The following KCNJ16 variants were observed in gnomAD, a reference collection of about 807,000 sequenced individuals.
KCNJ16 encodes potassium inwardly rectifying channel subfamily J member 16.
KCNJ16 carries 15 observed loss-of-function variants against 18.5 expected under a neutral mutation model. The ratio of observed to expected loss-of-function variants is 0.81; its 90% confidence interval spans 0.54 to 1.25. The LOEUF is 1.25. Among genes scored for constraint, KCNJ16 ranks in the 50% most tolerant of loss-of-function variants. KCNJ16 has a pLI of 0.00. For synonymous variants in KCNJ16, 174 were observed against 186.5 expected, an observed-to-expected ratio of 0.93 and a Z score of 0.55; for missense variants, 523 against 525.7, an observed-to-expected ratio of 0.99 and a Z score of 0.05.
chr17:70,127,890 A>C (rs1156649387), intron 2 of KCNJ16, among the ~76,000 whole-genome samples: 1 of 152,230 alleles, frequency 6.6e-6, no homozygotes, highest in Non-Finnish European at 1.5e-5. Flanking sequence ...TTTTCTGAAG[A>C]AATTTTAGAC....
At chr17:70,100,923 C>T (rs546242250) in intron 2 of KCNJ16, 157 bp downstream of exon 2, 9 of 152,318 alleles carry the variant, frequency 5.9e-5, no homozygotes, top group Non-Finnish European at 1.0e-4. Context: ...AGAGCAAATT[C>T]GGTGTTACAA....
Position 70,132,155 on chromosome 17 carries a change from A to G in KCNJ16, c.68A>G (p.Glu23Gly), listed in dbSNP as rs780904373. The part of the protein sequence containing the change: ...ADAKYPGYPP[E>G]HIIAEKRRAR... ...GCAAAATACCCAGGCTACCCGCCAG[A>G]GCACATTATAGCTGAGAAGAGAAGA... The change falls in exon 4 of 4, where the codon GAG becomes GGG. Residue 23 changes from glutamate (E) to glycine (G), a missense_variant. Glu to Gly is a moderately conservative substitution (Grantham distance 98, BLOSUM62 -2). Transcript: ENST00000392671. The G allele has an allele frequency of 5.0e-6, 8 of 1,614,222 alleles. No individual in the cohort carries two copies. Among genetic ancestry groups the G allele is most frequent in the Non-Finnish European group, 6.8e-6 (8 of 1,180,034 alleles).
intron 1 of KCNJ16, among the ~76,000 whole-genome samples, chr17:70,088,761 T>C (rs1045679451): frequency 3.9e-5 from 6 of 151,972 alleles, no homozygotes; most frequent in African/African-American, 1.4e-4. Context: ...CTAGGAAACT[T>C]AGGAAAAAAA....
At chr17:70,110,503 A>C (rs572809544) in intron 2 of KCNJ16, among the ~76,000 whole-genome samples, 3 of 128,562 alleles carry the variant, frequency 2.3e-5, no homozygotes, top group East Asian at 2.0e-4. Context: ...CACACACACA[A>C]ACTCATTTCC....
rs10661960 is a variant in KCNJ16, at chr17:70,088,021, CA to C, written c.-299-12617del. On this transcript the variant is annotated intron_variant, in intron 1 of 3. Coordinates refer to ENST00000392671, the MANE Select transcript of KCNJ16 (RefSeq NM_170741.4). ...TGGGCGACAGAGCAAGACTCTGTCTCAAAAAAAAAAAAAAAAAAAAGTAAAA... is the reference window on the plus strand; with the variant it reads ...TGGGCGACAGAGCAAGACTCTGTCTCAAAAAAAAAAAAAAAAAAAGTAAAA... Among the ~76,000 whole-genome samples the C allele has an allele frequency of 3.5e-3, 281 of 79,424 alleles. 3 individuals are homozygous for C. Among genetic ancestry groups the C allele is most frequent in the African/African-American group, 0.014 (263 of 18,486 alleles). 52.1% of individuals were successfully genotyped at this position (79,424 alleles called of 152,430 possible).
chr17:70,103,207 T>C (rs2072728065), intron 2 of KCNJ16, among the ~76,000 whole-genome samples: 1 of 144,508 alleles, frequency 6.9e-6, no homozygotes, highest in East Asian at 2.0e-4. Flanking sequence ...TGTATATATA[T>C]TTTTGTGTAT....
At position 70,132,933 on chromosome 17, in the gene KCNJ16, T is replaced by A. The variant is rs775688433; in HGVS notation, c.846T>A (p.Phe282Leu). ...AKDNFEILVT[F>L]IYTGDSTGTS... is the part of the protein sequence containing the mutation. The stretch of plus-strand genomic sequence containing the variant: ...ATAACTTTGAGATTTTGGTGACATT[T>A]ATCTATACTGGTGATTCCACTGGAA... Residue 282 changes from phenylalanine to leucine, a missense_variant, in exon 4 of 4, where the codon TTT (phenylalanine) becomes TTA (leucine). Phe to Leu is a conservative substitution (Grantham distance 22). Transcript: ENST00000392671. 1.2e-6 allele frequency: 2 copies of A among 1,614,218 alleles called. No homozygotes were observed. Among genetic ancestry groups the A allele is most frequent in the Non-Finnish European group, 1.7e-6 (2 of 1,180,032 alleles).
At chr17:70,106,472 T>A (rs1157495481) in intron 2 of KCNJ16, among the ~76,000 whole-genome samples, 3 of 152,110 alleles carry the variant, frequency 2.0e-5, no homozygotes, top group East Asian at 1.9e-4. Context: ...GGAGAGAAAC[T>A]GATAGAGAGA....
intron 1 of KCNJ16, among the ~76,000 whole-genome samples, chr17:70,095,688 G>C (rs1290316611): frequency 2.6e-5 from 4 of 151,748 alleles, no homozygotes; most frequent in Non-Finnish European, 2.9e-5. Flanking sequence ...TCTTTATTAG[G>C]ATCTCTATAC....
intron 1 of KCNJ16, among the ~76,000 whole-genome samples, chr17:70,098,238 T>TG (rs1469549855): frequency 6.6e-6 from 1 of 152,130 alleles, no homozygotes; most frequent in African/African-American, 2.4e-5. Flanking sequence ...ATTGCACCCT[T>TG]GGGGAAATGT....
chr17:70,098,851 T>C (rs1362586804), intron 1 of KCNJ16, among the ~76,000 whole-genome samples: 1 of 152,156 alleles, frequency 6.6e-6, no homozygotes, highest in African/African-American at 2.4e-5. Flanking sequence ...CCTCAATAAT[T>C]ATGAATTAAA....
chr17:70,095,787 GT>G (rs1158244005), intron 1 of KCNJ16, among the ~76,000 whole-genome samples: 1 of 147,572 alleles, frequency 6.8e-6, no homozygotes, highest in Non-Finnish European at 1.5e-5. Flanking sequence ...CAAAAAAAAT[GT>G]TGAAACTGAT....
chr17:70,096,051 T>G (rs1184967137), intron 1 of KCNJ16, among the ~76,000 whole-genome samples: 4 of 151,618 alleles, frequency 2.6e-5, no homozygotes, highest in Admixed American at 6.6e-5. Context: ...TCTGGCTAAT[T>G]TTTTGTATTT....
At chr17:70,119,842 A>G (rs1650406143) in intron 2 of KCNJ16, among the ~76,000 whole-genome samples, 1 of 151,324 alleles carries the variant, frequency 6.6e-6, no homozygotes, top group South Asian at 2.1e-4. Context: ...GCTCCCTTTT[A>G]GTTATGCACA....
intron 2 of KCNJ16, among the ~76,000 whole-genome samples, chr17:70,109,569 G>A (rs2073094358): frequency 1.3e-5 from 2 of 151,764 alleles, no homozygotes; most frequent in Admixed American, 1.3e-4. Context: ...TCTTCCCCCT[G>A]TTCTCTCACT....
chr17:70,108,862 T>A (rs1004542433), intron 2 of KCNJ16, among the ~76,000 whole-genome samples: 1 of 152,146 alleles, frequency 6.6e-6, no homozygotes, highest in African/African-American at 2.4e-5. Context: ...TTTAGTATAA[T>A]CAGTTGCCTA....
intron 2 of KCNJ16, among the ~76,000 whole-genome samples, chr17:70,124,057 GCTCTC>G (rs777874568): frequency 0.2 from 30,194 of 152,032 alleles, 3,518 homozygotes; most frequent in African/African-American, 0.32. Flanking sequence ...TATCAATAGT[GCTCTC>G]ACTTAACAAC....
intron 2 of KCNJ16, chr17:70,108,480 A>C (rs758430783): frequency 6.6e-6 from 1 of 152,130 alleles, no homozygotes; most frequent in Non-Finnish European, 1.5e-5. Context: ...AAGACAAATC[A>C]GTCATTTTGC....
chr17:70,080,341 AC>A (rs2071499905), intron 1 of KCNJ16, among the ~76,000 whole-genome samples: 2 of 152,204 alleles, frequency 1.3e-5, no homozygotes. Flanking sequence ...AACAATTTGG[AC>A]GGGGAGTAAA....
Sources: gnomAD v4.1 joint callset for allele counts (sites outside exome capture counted in the v4.1 genomes callset) on GRCh38, gnomAD v4.1.1 for gene constraint, MANE v1.5 for transcripts, NCBI Gene and HGNC (gene_info 2026-07-23, HGNC 2026-07-21) for gene names.